Variants in CACNA2D1 observed in about 807,000 individuals in gnomAD.
CACNA2D1 encodes the protein voltage-dependent calcium channel subunit alpha-2/delta-1.
CACNA2D1 carries 53 observed loss-of-function variants against 171.5 expected under a neutral mutation model. The observed-to-expected ratio is 0.31, with a 90% CI of 0.25 to 0.39. The LOEUF (loss-of-function observed/expected upper bound fraction) is 0.39, where lower values mean the gene tolerates loss of function less well. Ranked by LOEUF, CACNA2D1 falls within the 10% of genes least tolerant of loss-of-function variation. CACNA2D1 has a pLI of 1.00. For synonymous variants in CACNA2D1, 442 were observed against 443.1 expected, an observed-to-expected ratio of 1.00 and a Z score of 0.03; for missense variants, 903 against 1,299.8, an observed-to-expected ratio of 0.69 and a Z score of 4.69.
intron 12 of CACNA2D1, among the ~76,000 whole-genome samples, chr7:82,018,121 C>T (rs1800731106): frequency 6.6e-6 from 1 of 152,138 alleles, no homozygotes; most frequent in Non-Finnish European, 1.5e-5. Context: ...TAGAGTCACA[C>T]AAGACATATA....
chr7:82,001,459 G>A (rs551284588), intron 18 of CACNA2D1, among the ~76,000 whole-genome samples: 1 of 152,188 alleles, frequency 6.6e-6, no homozygotes, highest in African/African-American at 2.4e-5. Context: ...TCTTTGGTTA[G>A]CCAATACACA....
At chr7:82,122,948 T>C (rs1419768906) in intron 5 of CACNA2D1, among the ~76,000 whole-genome samples, 1 of 152,236 alleles carries the variant, frequency 6.6e-6, no homozygotes, top group Admixed American at 6.5e-5. Context: ...GATATTCTCT[T>C]GATACCTGAG....
intron 4 of CACNA2D1, among the ~76,000 whole-genome samples, chr7:82,137,664 G>A (rs1358279346): frequency 1.4e-5 from 2 of 143,182 alleles, no homozygotes; most frequent in African/African-American, 5.2e-5. Flanking sequence ...GAGGTCAGGA[G>A]ATCGAGACCA....
At chr7:82,285,788 C>A (rs1030120303) in intron 3 of CACNA2D1, among the ~76,000 whole-genome samples, 1 of 152,108 alleles carries the variant, frequency 6.6e-6, no homozygotes, top group African/African-American at 2.4e-5. Flanking sequence ...ATGGGACCCT[C>A]TATGAAAAAC....
At chr7:82,183,625 TA>T (rs1436409587) in intron 3 of CACNA2D1, among the ~76,000 whole-genome samples, 1 of 152,124 alleles carries the variant, frequency 6.6e-6, no homozygotes, top group African/African-American at 2.4e-5. Flanking sequence ...GGAATTTTTA[TA>T]AAAAATTGAG....
intron 3 of CACNA2D1, among the ~76,000 whole-genome samples, chr7:82,238,518 A>G (rs572199311): frequency 1.3e-5 from 2 of 152,232 alleles, no homozygotes; most frequent in African/African-American, 4.8e-5. Flanking sequence ...ATGCAAACCA[A>G]AACTACAATG....
At chr7:82,313,814 C>A (rs904903125) in intron 3 of CACNA2D1, among the ~76,000 whole-genome samples, 1 of 152,162 alleles carries the variant, frequency 6.6e-6, no homozygotes, top group Non-Finnish European at 1.5e-5. Flanking sequence ...AAATACAAAT[C>A]ATGGTTATTT....
chr7:82,289,650 C>T (rs1811274181), intron 3 of CACNA2D1, among the ~76,000 whole-genome samples: 1 of 152,226 alleles, frequency 6.6e-6, no homozygotes. Flanking sequence ...AGAGCTCAAA[C>T]ACAGTTCATT....
intron 1 of CACNA2D1, among the ~76,000 whole-genome samples, chr7:82,426,799 A>G (rs531171369): frequency 2.4e-4 from 37 of 152,252 alleles, no homozygotes; most frequent in African/African-American, 8.4e-4. Flanking sequence ...ATTATATACT[A>G]CAATATACCC....
chr7:82,336,060 C>G (rs1585548875), intron 2 of CACNA2D1, among the ~76,000 whole-genome samples: 1 of 152,054 alleles, frequency 6.6e-6, no homozygotes, highest in Non-Finnish European at 1.5e-5. Flanking sequence ...GGCTGGAGGG[C>G]TGAGATGAGA....
Position 81,947,449 on chromosome 7 carries a change from T to C in CACNA2D1, c.*2943A>G, listed in dbSNP as rs1277706739. The C allele has an allele frequency of 6.6e-6, 1 of 151,930 alleles. No individual in the cohort carries two copies. The highest frequency in any genetic ancestry group is 2.4e-5 in the African/African-American group (1 of 41,434). 9.4% of individuals were successfully genotyped at this position (151,930 alleles called of 1,614,324 possible). A position where few individuals can be genotyped will look rare whatever the true frequency, so the allele number is the denominator to read the frequency against. The stretch of plus-strand genomic sequence containing the variant: ...TCTTCAATCAAACTTGCTAACTATG[T>C]CATGTTAAAAACCTGTTACAAATAT... On this transcript the variant is annotated 3_prime_UTR_variant, in exon 39 of 39. Transcript: ENST00000356860.
chr7:82,145,760 T>C (rs1235466869), intron 4 of CACNA2D1, among the ~76,000 whole-genome samples: 2 of 150,200 alleles, frequency 1.3e-5, no homozygotes, highest in Non-Finnish European at 3.0e-5. Flanking sequence ...ACCCTCTAAA[T>C]AGTTTACATA....
intron 24 of CACNA2D1, among the ~76,000 whole-genome samples, chr7:81,979,991 A>T (rs1201700783): frequency 6.6e-6 from 1 of 151,914 alleles, no homozygotes; most frequent in Non-Finnish European, 1.5e-5. Context: ...AGAGAAATAG[A>T]GAATTCTATG....
chr7:82,061,472 T>C (rs956600369), intron 9 of CACNA2D1, among the ~76,000 whole-genome samples: 1 of 152,132 alleles, frequency 6.6e-6, no homozygotes, highest in Non-Finnish European at 1.5e-5. Context: ...AAACACATCC[T>C]GACCTAATAT....
chr7:82,150,268 AACAAAAACAACAAC>A lies in CACNA2D1; in HGVS notation c.355-13606_355-13593del, dbSNP rs1329779764. Among the ~76,000 whole-genome samples, 41 of 80,240 alleles carry A rather than the reference AACAAAAACAACAAC, an allele frequency of 5.1e-4. 5 individuals carry two copies. In the East Asian group the frequency reaches 5.3e-3, roughly 10 times the overall value. The allele number at this position is 80,240 out of a possible 152,430, so 52.6% of individuals were successfully genotyped here. A position where few individuals can be genotyped will look rare whatever the true frequency, so the allele number is the denominator to read the frequency against. ...GCTTTAGATCAAATTAAAAAAAAAAAACAAAAACAACAACAAAAAAAAACACCCTAGTAGCTGGG... is the reference window on the plus strand; with the variant it reads ...GCTTTAGATCAAATTAAAAAAAAAAAAAAAAAAAACACCCTAGTAGCTGGG... On this transcript the variant is annotated intron_variant, in intron 4 of 38. Coordinates refer to ENST00000356860, the MANE Select transcript of CACNA2D1 (RefSeq NM_000722.4).
intron 2 of CACNA2D1, among the ~76,000 whole-genome samples, chr7:82,345,896 T>C (rs956859698): frequency 9.2e-5 from 14 of 152,154 alleles, no homozygotes; most frequent in Admixed American, 3.9e-4. Context: ...TAATAATACA[T>C]ACAAGTGAAG....
rs992764 is a variant in CACNA2D1 at position 82,042,931 on chromosome 7, C to T, written c.880-4696G>A. The stretch of plus-strand genomic sequence containing the variant: ...GTATCCTAGCTTAATAAATAGACCC[C>T]TCTATTGGATTATTAGCCCACATGG... On this transcript the variant is annotated intron_variant, in intron 10 of 38. Transcript: ENST00000356860. 6.5e-3 allele frequency among the ~76,000 whole-genome samples: 982 copies of T among 152,244 alleles called. 19 individuals are homozygous for T. Among genetic ancestry groups the T allele is most frequent in the African/African-American group, 0.022 (927 of 41,548 alleles).
intron 3 of CACNA2D1, among the ~76,000 whole-genome samples, chr7:82,187,610 A>T (rs368773882): frequency 9.9e-5 from 15 of 152,212 alleles, no homozygotes; most frequent in East Asian, 7.7e-4. Context: ...GATAGCCATC[A>T]ATGAATTAGA....
rs1562754861 is a variant in CACNA2D1 at position 81,948,046 on chromosome 7, CAT to C, written c.*2344_*2345del. 2 of 151,718 alleles carry C rather than the reference CAT, an allele frequency of 1.3e-5. No individual in the cohort carries two copies. The highest frequency in any genetic ancestry group is 4.8e-5 in the African/African-American group (2 of 41,358). 9.4% of individuals were successfully genotyped at this position (151,718 alleles called of 1,614,324 possible). A position where few individuals can be genotyped will look rare whatever the true frequency, so the allele number is the denominator to read the frequency against. Reference sequence around the variant, plus strand: ...ACAATAACAATGTAATTGATGAAAACATATACTCGACATTAGCCATGAAAATA... The same window carrying C: ...ACAATAACAATGTAATTGATGAAAACATACTCGACATTAGCCATGAAAATA... On this transcript the variant is annotated 3_prime_UTR_variant, in exon 39 of 39. Transcript: ENST00000356860.
Sources: allele counts gnomAD v4.1 joint callset (sites outside exome capture counted in the v4.1 genomes callset), GRCh38; gene constraint gnomAD v4.1.1; transcripts MANE v1.5; gene names NCBI Gene and HGNC (gene_info 2026-07-23, HGNC 2026-07-21).